ODAD1: variants seen among roughly 807,000 people sequenced by gnomAD.
ODAD1 encodes outer dynein arm-docking complex subunit 1.
Under a neutral mutation model 67.2 loss-of-function variants are expected in ODAD1, and 49 were observed. The observed-to-expected ratio is 0.73, with a 90% CI of 0.58 to 0.92. The LOEUF (loss-of-function observed/expected upper bound fraction) is 0.92. Ranked by LOEUF, ODAD1 falls within the 40% of genes least tolerant of loss-of-function variation. ODAD1 has a pLI of 0.00. For missense variants in ODAD1, 897 were observed against 953.7 expected, an observed-to-expected ratio of 0.94 and a Z score of 0.78; for synonymous variants, 345 against 393.7, an observed-to-expected ratio of 0.88 and a Z score of 1.46.
intron 7 of ODAD1, among the ~76,000 whole-genome samples, chr19:48,307,486 AG>A (rs778055463): frequency 6.6e-6 from 1 of 152,112 alleles, no homozygotes; most frequent in Non-Finnish European, 1.5e-5. Flanking sequence ...CTCTCTCCAG[AG>A]GAAGGGCCTC....
chr19:48,320,439 G>A, intron 2 of ODAD1, 48 bp from the exon 3 acceptor site: 8 of 1,089,004 alleles, frequency 7.3e-6, no homozygotes, highest in Non-Finnish European at 9.7e-6. Context: ...GCGGGCCAGG[G>A]CCCAGAGAGG....
In ODAD1 at chr19:48,304,040, G is replaced by A. The variant is rs762551198; in HGVS notation, c.766C>T (p.His256Tyr). 60 of 1,614,086 alleles carry A rather than the reference G, an allele frequency of 3.7e-5. No individual in the cohort carries two copies. Among genetic ancestry groups the A allele is most frequent in the Non-Finnish European group, 5.1e-5 (60 of 1,180,042 alleles). The change falls in exon 9 of 16, where the codon CAC (histidine) becomes TAC (tyrosine). Residue 256 changes from histidine to tyrosine, a missense_variant. Physicochemically the swap from His to Tyr is moderately conservative, Grantham distance 83. Coordinates refer to ENST00000674294, the MANE Select transcript of ODAD1 (RefSeq NM_001364171.2). ...AGGAAGTGGTGCAGCTGCTCCAGGT[G>A]CAAGATCTGCCGCTGCAGGACCTGC... is the stretch of plus-strand genomic sequence containing the variant. ...EAQVLQRQIL[H>Y]LEQLHHFLKL...
chr19:48,318,671 G>C (rs1968965426), intron 4 of ODAD1, 42 bp downstream of exon 4: 2 of 1,530,848 alleles, frequency 1.3e-6, no homozygotes, highest in African/African-American at 2.8e-5. Flanking sequence ...CAGCCCCTCT[G>C]ACCCCCTCCT....
intron 9 of ODAD1, 35 bp from the exon 10 acceptor site, chr19:48,303,819 G>A (rs1333896114): frequency 3.8e-6 from 6 of 1,587,422 alleles, no homozygotes; most frequent in Non-Finnish European, 5.1e-6. Flanking sequence ...CGGCCTCCTG[G>A]GTGGCCTCCA....
At chr19:48,309,729 T>C (rs1392793346) in intron 7 of ODAD1, among the ~76,000 whole-genome samples, 2 of 152,086 alleles carry the variant, frequency 1.3e-5, no homozygotes, top group Non-Finnish European at 2.9e-5. Context: ...GGACAAGATA[T>C]TTACACAGTC....
rs1193628616 is a variant in ODAD1, at chr19:48,316,389, AAC to A, written c.360+1996_360+1997del. On this transcript the variant is annotated intron_variant, in intron 5 of 15. Coordinates refer to ENST00000674294, the MANE Select transcript of ODAD1 (RefSeq NM_001364171.2). ...AGCGAGACTTCGTCAAAAAAAAAAA[AAC>A]AAACCTGCCTAACTGTGCAAACTGT... Among the ~76,000 whole-genome samples, 866 of 151,674 alleles carry A rather than the reference AAC, an allele frequency of 5.7e-3. 10 individuals are homozygous for A. The highest frequency in any genetic ancestry group is 0.019 in the African/African-American group (801 of 41,406).
Position 48,296,942 on chromosome 19 carries a change from G to A in ODAD1, c.*34C>T. On this transcript the variant is annotated 3_prime_UTR_variant, in exon 16 of 16. Transcript: ENST00000674294. ...GACACAAAAAAAGACCCCACAGAGA[G>A]CCAGGGCAGGGTGGGGGCTGCGTGC... is the stretch of plus-strand genomic sequence containing the variant. 2 of 1,536,602 alleles carry A rather than the reference G, an allele frequency of 1.3e-6. No individual in the cohort carries two copies. The highest frequency in any genetic ancestry group is 8.7e-7 in the Non-Finnish European group (1 of 1,148,558).
chr19:48,309,081 G>A (rs1445378077), intron 7 of ODAD1, among the ~76,000 whole-genome samples: 1 of 152,052 alleles, frequency 6.6e-6, no homozygotes, highest in Admixed American at 6.6e-5. Flanking sequence ...AAGCACCACC[G>A]CACCCCCCTC....
In ODAD1 at chr19:48,318,727, G is replaced by T; in HGVS notation, c.156C>A (p.Arg52=). The T allele has an allele frequency of 3.2e-6, 5 of 1,550,506 alleles. 1 individual carries two copies. Among genetic ancestry groups the T allele is most frequent in the Non-Finnish European group, 4.4e-6 (5 of 1,146,074 alleles). Reference sequence around the variant, plus strand: ...GCCCAGCTCACAGTTGCTTGTTGATGCGCTGGTGGACTTCCTTGCTGTAGG... The same window carrying T: ...GCCCAGCTCACAGTTGCTTGTTGATTCGCTGGTGGACTTCCTTGCTGTAGG... ...RRAYSKEVHQ[R]INKQLEEIRR... is the part of the protein sequence containing the mutation. The change falls in exon 4 of 16, where the codon CGC becomes CGA. Residue 52 remains arginine (R), a synonymous_variant. Coordinates refer to ENST00000674294, the MANE Select transcript of ODAD1 (RefSeq NM_001364171.2).
rs549536744 is a variant in ODAD1 at position 48,306,149 on chromosome 19, G to C, written c.665+107C>G. 2.8e-4 allele frequency: 406 copies of C among 1,466,728 alleles called. 3 individuals carry two copies. In the African/African-American group the frequency reaches 5.2e-3, roughly 19 times the overall value. The allele number at this position is 1,466,728 out of a possible 1,614,324, so 90.9% of individuals were successfully genotyped here. ...AGGGGATATTATGGGAGAAAAAATAGGTTCTGACGTGTTTCATGAGTCCTG... is the reference window on the plus strand; with the variant it reads ...AGGGGATATTATGGGAGAAAAAATACGTTCTGACGTGTTTCATGAGTCCTG... On this transcript the variant is annotated intron_variant, in intron 8 of 15. Coordinates refer to ENST00000674294, the MANE Select transcript of ODAD1 (RefSeq NM_001364171.2).
At chr19:48,310,296 T>C (rs1037098335) in intron 7 of ODAD1, among the ~76,000 whole-genome samples, 1 of 151,876 alleles carries the variant, frequency 6.6e-6, no homozygotes, top group East Asian at 1.9e-4. Context: ...ACAAACGGCC[T>C]GGATGCTTCC....
At chr19:48,299,915 C>T (rs1968414299) in intron 12 of ODAD1, among the ~76,000 whole-genome samples, 1 of 150,918 alleles carries the variant, frequency 6.6e-6, no homozygotes, top group Non-Finnish European at 1.5e-5. Context: ...GTGGCTCATG[C>T]CTATAATCCC....
rs1462057746 is a variant in ODAD1 at position 48,302,742 on chromosome 19, C to T, written c.1192G>A (p.Glu398Lys). 26 of 1,613,324 alleles carry T rather than the reference C, an allele frequency of 1.6e-5. 1 individual carries two copies. In the Middle Eastern group the frequency reaches 3.3e-3, roughly 205 times the overall value. ...CCCCGCACATCCTGGAAGCGGGCCT[C>T]AAGGCGCTCAGCCTCCGAGTGCACC... The part of the protein sequence containing the change: ...DKVHSEAERL[E>K]ARFQDVRGQL... The change falls in exon 12 of 16, where the codon GAG (glutamate) becomes AAG (lysine). Residue 398 changes from glutamate to lysine, a missense_variant. Coordinates refer to ENST00000674294, the MANE Select transcript of ODAD1 (RefSeq NM_001364171.2).
At chr19:48,316,075 T>C (rs1437691922) in intron 5 of ODAD1, among the ~76,000 whole-genome samples, 2 of 152,164 alleles carry the variant, frequency 1.3e-5, no homozygotes, top group Non-Finnish European at 2.9e-5. Flanking sequence ...ATACGTTTTG[T>C]TTTTTGGCAA....
At chr19:48,298,743 A>G (rs967539657) in intron 12 of ODAD1, among the ~76,000 whole-genome samples, 2 of 152,114 alleles carry the variant, frequency 1.3e-5, no homozygotes, top group Admixed American at 1.3e-4. Flanking sequence ...ATGGTCTTGC[A>G]CCCCAGACTG....
In ODAD1 at chr19:48,321,833, G is replaced by T; in HGVS notation, c.-219C>A. 2.5e-6 allele frequency: 1 copy of T among 398,636 alleles called. No homozygotes were observed. The highest frequency in any genetic ancestry group is 4.4e-6 in the Non-Finnish European group (1 of 226,050). 24.7% of individuals were successfully genotyped at this position (398,636 alleles called of 1,614,324 possible). ...ATTAAGGATTCATAGGAAGGAAGGCGGTGTCGAAGCCGGGAGTTGCGCGGA... is the reference window on the plus strand; with the variant it reads ...ATTAAGGATTCATAGGAAGGAAGGCTGTGTCGAAGCCGGGAGTTGCGCGGA... On this transcript the variant is annotated 5_prime_UTR_variant, in exon 1 of 16. Coordinates refer to ENST00000674294, the MANE Select transcript of ODAD1 (RefSeq NM_001364171.2).
chr19:48,318,908 C>T, intron 3 of ODAD1, 96 bp from the exon 4 acceptor site: 1 of 724,260 alleles, frequency 1.4e-6, no homozygotes, highest in Admixed American at 2.2e-5. Context: ...TGGGGTCTCA[C>T]AAACTGCAAC....
chr19:48,300,589 G>T (rs1968437324), intron 12 of ODAD1, among the ~76,000 whole-genome samples: 1 of 151,924 alleles, frequency 6.6e-6, no homozygotes, highest in African/African-American at 2.4e-5. Flanking sequence ...AAAATGAAAA[G>T]GCAAGCTACA....
chr19:48,315,378 C>G (rs916841869), intron 5 of ODAD1, among the ~76,000 whole-genome samples: 1 of 152,166 alleles, frequency 6.6e-6, no homozygotes, highest in Non-Finnish European at 1.5e-5. Context: ...AACCCCGTCT[C>G]TACTAAAAAT....
Sources: allele counts gnomAD v4.1 joint callset (sites outside exome capture counted in the v4.1 genomes callset), GRCh38; gene constraint gnomAD v4.1.1; transcripts MANE v1.5; gene names NCBI Gene and HGNC (gene_info 2026-07-23, HGNC 2026-07-21).